GPR158: variants seen among roughly 807,000 people sequenced by gnomAD.
GPR158 encodes G protein-coupled receptor 158.
A neutral mutation model predicts 78.2 loss-of-function variants in GPR158; 30 were observed. That is an observed-to-expected ratio of 0.38 (90% CI 0.29 to 0.52). The LOEUF (loss-of-function observed/expected upper bound fraction) is 0.52, where lower values mean the gene tolerates loss of function less well. GPR158 is among the 20% of genes least tolerant of loss of function. The pLI, the probability that GPR158 is intolerant of heterozygous loss-of-function variation, is 0.83. For missense variants in GPR158, 1,463 were observed against 1,523.5 expected (o/e 0.96, Z 0.66); for synonymous variants, 581 against 591.1 (o/e 0.98, Z 0.25).
At chr10:25,200,104 A>G (rs1852900808) in intron 1 of GPR158, among the ~76,000 whole-genome samples, 2 of 152,186 alleles carry the variant, frequency 1.3e-5, no homozygotes, top group Non-Finnish European at 2.9e-5. Flanking sequence ...GCTTTCCACA[A>G]TGACTGGACT....
At chr10:25,207,968 A>G (rs957759950) in intron 1 of GPR158, among the ~76,000 whole-genome samples, 1 of 152,180 alleles carries the variant, frequency 6.6e-6, no homozygotes, top group Non-Finnish European at 1.5e-5. Context: ...CATTAACACA[A>G]TTATGTATTT....
chr10:25,509,680 A>G (rs1836057967), intron 5 of GPR158, among the ~76,000 whole-genome samples: 1 of 152,190 alleles, frequency 6.6e-6, no homozygotes, highest in Admixed American at 6.5e-5. Context: ...GGAGAACACA[A>G]CCAGGTGTAA....
intron 6 of GPR158, among the ~76,000 whole-genome samples, chr10:25,562,025 T>G (rs1246822246): frequency 3.0e-4 from 8 of 27,026 alleles, no homozygotes; most frequent in Non-Finnish European, 4.2e-4. Context: ...TGCAGAAGAA[T>G]TTTTTTTTTT....
intron 5 of GPR158, among the ~76,000 whole-genome samples, chr10:25,528,832 G>A (rs878857111): frequency 6.6e-6 from 1 of 152,136 alleles, no homozygotes; most frequent in Non-Finnish European, 1.5e-5. Context: ...AAAGAACAAA[G>A]CTAGAGGATT....
At chr10:25,346,631 A>T (rs1773650) in intron 2 of GPR158, among the ~76,000 whole-genome samples, 109,520 of 151,690 alleles carry the variant, frequency 0.72, 40,698 homozygotes, top group Non-Finnish European at 0.81. Context: ...GATTAAATTG[A>T]AGTGCCATTT....
intron 2 of GPR158, among the ~76,000 whole-genome samples, chr10:25,233,957 CTTATG>C (rs1853488913): frequency 3.9e-5 from 6 of 151,946 alleles, no homozygotes; most frequent in Admixed American, 3.9e-4. Flanking sequence ...AAATATGTTA[CTTATG>C]TTAATATATT....
At chr10:25,571,930 AT>A (rs1184088227) in intron 6 of GPR158, among the ~76,000 whole-genome samples, 2 of 152,164 alleles carry the variant, frequency 1.3e-5, no homozygotes, top group Non-Finnish European at 2.9e-5. Flanking sequence ...TTTCATTTTT[AT>A]TATTACTTCA....
chr10:25,461,888 C>A (rs553560434), intron 4 of GPR158, among the ~76,000 whole-genome samples: 2 of 151,928 alleles, frequency 1.3e-5, no homozygotes, highest in Admixed American at 6.6e-5. Context: ...CCTGCCACCA[C>A]GCCCGGCTGA....
chr10:25,596,552 C>A, intron 9 of GPR158, 91 bp from the exon 10 acceptor site: 1 of 820,724 alleles, frequency 1.2e-6, no homozygotes, highest in East Asian at 2.7e-5. Flanking sequence ...GATATAGATA[C>A]CTATATAGAT....
chr10:25,373,512 G>A (rs1304083872), intron 2 of GPR158, among the ~76,000 whole-genome samples: 1 of 151,710 alleles, frequency 6.6e-6, no homozygotes, highest in Non-Finnish European at 1.5e-5. Context: ...TCTTCTTTGG[G>A]TTTATACAAT....
chr10:25,252,710 C>T (rs369558690), intron 2 of GPR158, among the ~76,000 whole-genome samples: 21 of 151,906 alleles, frequency 1.4e-4, no homozygotes, highest in Non-Finnish European at 2.2e-4. Context: ...ACCACTGCTC[C>T]CTTCAAAGCT....
intron 5 of GPR158, among the ~76,000 whole-genome samples, chr10:25,508,608 GTCAGTCT>G (rs1836044757): frequency 6.6e-6 from 1 of 152,122 alleles, no homozygotes; most frequent in South Asian, 2.1e-4. Flanking sequence ...TGTTTGCAAG[GTCAGTCT>G]CCTGTCCAAT....
chr10:25,304,843 T>TA (rs1261253111), intron 2 of GPR158, among the ~76,000 whole-genome samples: 2 of 152,198 alleles, frequency 1.3e-5, no homozygotes, highest in African/African-American at 4.8e-5. Context: ...CTCAAGCCTA[T>TA]AAGGGATGAT....
intron 4 of GPR158, among the ~76,000 whole-genome samples, chr10:25,437,580 T>C (rs1165722069): frequency 6.6e-6 from 1 of 152,220 alleles, no homozygotes; most frequent in African/African-American, 2.4e-5. Flanking sequence ...AACTGTCTAT[T>C]CATATGGAAA....
At chr10:25,405,439 T>G (rs564368169) in intron 3 of GPR158, among the ~76,000 whole-genome samples, 2 of 151,450 alleles carry the variant, frequency 1.3e-5, no homozygotes, top group South Asian at 4.2e-4. Flanking sequence ...TGGCTTAGTT[T>G]GACAATATTC....
At chr10:25,424,966 A>G (rs140534788) in intron 4 of GPR158, among the ~76,000 whole-genome samples, 2,636 of 152,224 alleles carry the variant, frequency 0.017, 68 homozygotes, top group African/African-American at 0.052. Context: ...TCTATAATTT[A>G]CCTTGGGCAG....
intron 5 of GPR158, 101 bp downstream of exon 5, chr10:25,466,820 G>A (rs1386646204): frequency 1.8e-6 from 1 of 545,848 alleles, no homozygotes; most frequent in African/African-American, 1.9e-5. Flanking sequence ...ACACACCCTG[G>A]TGTTACTAGG....
At chr10:25,336,030 G>C (rs1417009009) in intron 2 of GPR158, among the ~76,000 whole-genome samples, 1 of 151,964 alleles carries the variant, frequency 6.6e-6, no homozygotes, top group Non-Finnish European at 1.5e-5. Flanking sequence ...TAAGCACCTG[G>C]TAAAAATTAG....
intron 5 of GPR158, among the ~76,000 whole-genome samples, chr10:25,472,223 CT>C (rs1253062609): frequency 6.6e-6 from 1 of 151,928 alleles, no homozygotes; most frequent in Non-Finnish European, 1.5e-5. Context: ...ATAGGGAATC[CT>C]TTCCCCATTT....
Sources: gnomAD v4.1 joint callset for allele counts (sites outside exome capture counted in the v4.1 genomes callset) on GRCh38, gnomAD v4.1.1 for gene constraint, MANE v1.5 for transcripts, NCBI Gene and HGNC (gene_info 2026-07-23, HGNC 2026-07-21) for gene names.